The following SUGCT variants were observed in gnomAD, a reference collection of about 807,000 sequenced individuals.
The protein encoded by SUGCT is succinyl-CoA:glutarate-CoA transferase, also known as succinyl-CoA:glutarate CoA-transferase.
A neutral mutation model predicts 55.0 loss-of-function variants in SUGCT; 41 were observed. That is an observed-to-expected ratio of 0.74 (90% CI 0.58 to 0.97). The LOEUF (loss-of-function observed/expected upper bound fraction) is 0.97, where lower values mean the gene tolerates loss of function less well. SUGCT is among the 50% of genes least tolerant of loss of function. The pLI is 0.00. For synonymous variants in SUGCT, 187 were observed against 200.4 expected (o/e 0.93, Z 0.56); for missense variants, 568 against 547.8 (o/e 1.04, Z -0.37).
chr7:40,840,122 C>G (rs576932945), intron 13 of SUGCT, among the ~76,000 whole-genome samples: 2 of 152,238 alleles, frequency 1.3e-5, no homozygotes, highest in Middle Eastern at 3.4e-3. Flanking sequence ...CTCAAAAATG[C>G]ATATTGCTGA....
intron 10 of SUGCT, among the ~76,000 whole-genome samples, chr7:40,450,372 T>A (rs1789120596): frequency 6.6e-6 from 1 of 152,036 alleles, no homozygotes; most frequent in Non-Finnish European, 1.5e-5. Flanking sequence ...TTTATTTTTC[T>A]TAAATATATC....
At chr7:40,405,710 T>C (rs1378613984) in intron 9 of SUGCT, among the ~76,000 whole-genome samples, 1 of 149,002 alleles carries the variant, frequency 6.7e-6, no homozygotes, top group African/African-American at 2.5e-5. Context: ...CTCGGGAGGC[T>C]GAGGCAGGAG....
In SUGCT at chr7:40,374,513, G is replaced by A. The variant is rs537246235; in HGVS notation, c.816+57658G>A. On this transcript the variant is annotated intron_variant, in intron 9 of 13. Transcript: ENST00000335693. ...GGTATCAGCACAAATTTTCTGGGAG[G>A]AATTGTTCTTGCAAGACAGAGGAAA... Among the ~76,000 whole-genome samples, 16 of 152,236 alleles carry A rather than the reference G, an allele frequency of 1.1e-4. No homozygotes were observed. In the South Asian group the frequency reaches 3.3e-3, roughly 32 times the overall value.
intron 12 of SUGCT, among the ~76,000 whole-genome samples, chr7:40,593,862 C>G (rs116595120): frequency 0.037 from 5,689 of 152,134 alleles, 153 homozygotes; most frequent in Non-Finnish European, 0.061. Flanking sequence ...ACAACAAAAT[C>G]TCACTATGAT....
At chr7:40,319,538 C>T (rs1795614811) in intron 9 of SUGCT, among the ~76,000 whole-genome samples, 1 of 152,144 alleles carries the variant, frequency 6.6e-6, no homozygotes, top group Non-Finnish European at 1.5e-5. Context: ...GTGCCTAGCT[C>T]ACTCTCCTCC....
In SUGCT at chr7:40,408,746, T is replaced by C. The variant is rs1786510945; in HGVS notation, c.817-40541T>C. On this transcript the variant is annotated intron_variant, in intron 9 of 13. Transcript: ENST00000335693. ...TGGAGAGCTCAGGAAAATACCAAAA[T>C]GACAGGGAAACACAAAACAAACAGA... Among the ~76,000 whole-genome samples, 5 of 152,106 alleles carry C rather than the reference T, an allele frequency of 3.3e-5. No individual in the cohort carries two copies. The South Asian group carries it at 1.0e-3, about 31-fold the overall frequency.
At chr7:40,973,681 C>A in the SUGCT span, among the ~76,000 whole-genome samples, 1 of 152,190 alleles carries the variant, frequency 6.6e-6, no homozygotes, top group Admixed American at 6.5e-5. Context: ...ACTCTGTTTT[C>A]ATCATAGAAC....
chr7:40,696,645 A>G (rs1433058010), intron 12 of SUGCT, among the ~76,000 whole-genome samples: 1 of 152,138 alleles, frequency 6.6e-6, no homozygotes, highest in Non-Finnish European at 1.5e-5. Flanking sequence ...AATGTTTGAG[A>G]ATGTTAGTAG....
At chr7:40,838,317 T>C (rs572043692) in intron 13 of SUGCT, among the ~76,000 whole-genome samples, 37 of 152,344 alleles carry the variant, frequency 2.4e-4, no homozygotes, top group Non-Finnish European at 4.1e-4. Flanking sequence ...GGGATTTTGA[T>C]AGGCATTACA....
chr7:40,771,181 T>C (rs1462603066), intron 13 of SUGCT, among the ~76,000 whole-genome samples: 1 of 152,154 alleles, frequency 6.6e-6, no homozygotes, highest in Non-Finnish European at 1.5e-5. Context: ...AAAGTTATAA[T>C]TCTACACATA....
At chr7:41,024,139 T>G in the SUGCT span, among the ~76,000 whole-genome samples, 1 of 152,200 alleles carries the variant, frequency 6.6e-6, no homozygotes, top group South Asian at 2.1e-4. Flanking sequence ...TTGTGGAAAC[T>G]TCCATTCAGA....
chr7:40,784,229 G>A (rs990103447), intron 13 of SUGCT, among the ~76,000 whole-genome samples: 2 of 152,026 alleles, frequency 1.3e-5, no homozygotes, highest in African/African-American at 4.8e-5. Flanking sequence ...GGGTGAGGGG[G>A]GTAGTGAGTT....
chr7:40,674,727 TTTTG>T (rs1426258349), intron 12 of SUGCT, among the ~76,000 whole-genome samples: 3 of 152,208 alleles, frequency 2.0e-5, no homozygotes, highest in African/African-American at 7.2e-5. Flanking sequence ...GTTTTTTTGT[TTTTG>T]TTTTTGTCTT....
chr7:40,646,857 T>G lies in SUGCT; in HGVS notation c.1090-102577T>G, dbSNP rs75949071. Among the ~76,000 whole-genome samples the G allele has an allele frequency of 3.4e-3, 523 of 152,330 alleles. 8 individuals are homozygous for G. The highest frequency in any genetic ancestry group is 0.031 in the East Asian group (161 of 5,188). Reference sequence around the variant, plus strand: ...CTCGAGGAGGCAGGTGCAATTTTGTTCAGCATCTAGTAAGTACAGGGCCTC... The same window carrying G: ...CTCGAGGAGGCAGGTGCAATTTTGTGCAGCATCTAGTAAGTACAGGGCCTC... On this transcript the variant is annotated intron_variant, in intron 12 of 13. Transcript: ENST00000335693.
At chr7:41,034,878 C>T in the SUGCT span, among the ~76,000 whole-genome samples, 1 of 152,132 alleles carries the variant, frequency 6.6e-6, no homozygotes, top group African/African-American at 2.4e-5. Context: ...TAATAAGGCC[C>T]CCAGCCTCAG....
At chr7:40,753,577 ACTT>A (rs1788120310) in intron 13 of SUGCT, among the ~76,000 whole-genome samples, 1 of 152,150 alleles carries the variant, frequency 6.6e-6, no homozygotes. Context: ...TTATTTATGA[ACTT>A]CTTGCAACCA....
At position 40,189,291 on chromosome 7, in the gene SUGCT, A is replaced by G. The variant is rs7776964; in HGVS notation, c.313-253A>G. On this transcript the variant is annotated intron_variant, in intron 4 of 13. Coordinates refer to ENST00000335693, the MANE Select transcript of SUGCT (RefSeq NM_001193313.2). ...CGGGAGGCAGAGGTTGCAGTGAGCC[A>G]AGATTGCACCACTGCACTCCAGCCT... 0.53 allele frequency among the ~76,000 whole-genome samples: 79,571 copies of G among 151,250 alleles called. 21,544 individuals are homozygous for G. The highest frequency in any genetic ancestry group is 0.66 in the African/African-American group (26,972 of 41,172).
chr7:40,523,946 A>G (rs1232491010), intron 12 of SUGCT, among the ~76,000 whole-genome samples: 1 of 152,024 alleles, frequency 6.6e-6, no homozygotes, highest in Non-Finnish European at 1.5e-5. Flanking sequence ...TTATATATAG[A>G]TTTTAGAATC....
chr7:40,277,677 G>GTTATTATTATTATTATTATTA (rs55772430), intron 8 of SUGCT, among the ~76,000 whole-genome samples: 28 of 144,900 alleles, frequency 1.9e-4, no homozygotes, highest in African/African-American at 5.8e-4. Context: ...TGTTCTTTTT[G>GTTATTATTATTATTATTATTA]TTATTATTAT....
Sources: allele counts gnomAD v4.1 joint callset (sites outside exome capture counted in the v4.1 genomes callset), GRCh38; gene constraint gnomAD v4.1.1; transcripts MANE v1.5; gene names NCBI Gene and HGNC (gene_info 2026-07-23, HGNC 2026-07-21).